Variants in AKT3 observed in about 807,000 individuals in gnomAD.
AKT3 encodes AKT serine/threonine kinase 3.
In AKT3, 15 loss-of-function variants were observed where a neutral mutation model predicts 65.3. The observed-to-expected ratio is 0.23, with a 90% CI of 0.15 to 0.35. The LOEUF (loss-of-function observed/expected upper bound fraction) is 0.35. AKT3 is among the 10% of genes least tolerant of loss of function. The pLI is 1.00. For synonymous variants in AKT3, 206 were observed against 183.8 expected, an observed-to-expected ratio of 1.12 and a Z score of -0.98; for missense variants, 243 against 576.5, an observed-to-expected ratio of 0.42 and a Z score of 5.92.
chr1:243,531,832 C>T (rs1373895604), intron 12 of AKT3, among the ~76,000 whole-genome samples: 1 of 151,930 alleles, frequency 6.6e-6, no homozygotes, highest in Non-Finnish European at 1.5e-5. Flanking sequence ...CTTGTGCTTC[C>T]TTGGTTAAAT....
At chr1:243,547,848 C>A (rs1277486593) in intron 11 of AKT3, among the ~76,000 whole-genome samples, 1 of 152,094 alleles carries the variant, frequency 6.6e-6, no homozygotes, top group Non-Finnish European at 1.5e-5. Flanking sequence ...TCTCCAACTC[C>A]CAGATCCTTA....
Position 243,573,066 on chromosome 1 carries a change from G to C in AKT3, c.697-18C>G, listed in dbSNP as rs1217308650. 1 of 1,610,310 alleles carries C rather than the reference G, an allele frequency of 6.2e-7. No homozygotes were observed. The highest frequency in any genetic ancestry group is 2.2e-5 in the East Asian group (1 of 44,796). ...AAAAACAGCTGCAGGGTAAACAGCA[G>C]GGACAGGATTGTAATAATTACTGAT... On this transcript the variant is annotated intron_variant, in intron 8 of 13. Transcript: ENST00000673466.
chr1:243,545,163 T>C (rs1672574003), intron 12 of AKT3, among the ~76,000 whole-genome samples: 1 of 152,136 alleles, frequency 6.6e-6, no homozygotes, highest in Admixed American at 6.5e-5. Flanking sequence ...CACTTTAAAA[T>C]TAAAGACATA....
In AKT3 at chr1:243,693,240, T is replaced by TTTTATATA. The variant is rs1558726301; in HGVS notation, c.172+2350_172+2351insTATATAAA. 5.3e-5 allele frequency among the ~76,000 whole-genome samples: 3 copies of TTTTATATA among 56,500 alleles called. No homozygotes were observed. The East Asian group carries it at 1.5e-3, about 29-fold the overall frequency. The allele number at this position is 56,500 out of a possible 152,430, so 37.1% of individuals were successfully genotyped here. On this transcript the variant is annotated intron_variant, in intron 3 of 13. Transcript: ENST00000673466. ...ATATATATCCCTTTGGTAGCTACAA[T>TTTTATATA]TTGATATATATATATATATATATAT...
At chr1:243,498,144 C>CCAGT (rs1444904303), downstream of AKT3, among the ~76,000 whole-genome samples, 1 of 152,232 alleles carries the variant, frequency 6.6e-6, no homozygotes, top group African/African-American at 2.4e-5. Context: ...GCCATTCAAA[C>CCAGT]CAGTCATTTA....
At chr1:243,684,767 CCCA>C (rs1199154999) in intron 3 of AKT3, among the ~76,000 whole-genome samples, 2 of 152,300 alleles carry the variant, frequency 1.3e-5, no homozygotes, top group South Asian at 2.1e-4. Context: ...AATTTACACT[CCCA>C]CCAATAGTGT....
chr1:243,786,138 T>C (rs1318288155), intron 2 of AKT3, among the ~76,000 whole-genome samples: 1 of 152,208 alleles, frequency 6.6e-6, no homozygotes, highest in Non-Finnish European at 1.5e-5. Flanking sequence ...TGAACTATGT[T>C]TTGTTAACAA....
At chr1:243,673,611 A>T (rs928585806) in intron 3 of AKT3, among the ~76,000 whole-genome samples, 23 of 124,164 alleles carry the variant, frequency 1.9e-4, no homozygotes, top group East Asian at 6.8e-4. Context: ...TAATTATGAG[A>T]TTTTTTTTTT....
intron 2 of AKT3, chr1:243,788,650 A>C (rs1047949363): frequency 6.6e-6 from 1 of 152,228 alleles, no homozygotes; most frequent in Non-Finnish European, 1.5e-5. Context: ...TTATGTTTAC[A>C]CTATACTATA....
At chr1:243,719,655 G>A (rs919757339) in intron 2 of AKT3, among the ~76,000 whole-genome samples, 13 of 152,096 alleles carry the variant, frequency 8.5e-5, no homozygotes, top group African/African-American at 2.9e-4. Flanking sequence ...CCTTTCAATG[G>A]CAGTGACTGA....
At chr1:243,605,552 T>A (rs1196297756) in intron 8 of AKT3, among the ~76,000 whole-genome samples, 1 of 152,198 alleles carries the variant, frequency 6.6e-6, no homozygotes. Flanking sequence ...AATAATCACA[T>A]CATTTAAATC....
intron 1 of AKT3, among the ~76,000 whole-genome samples, chr1:243,844,923 G>A (rs1236995796): frequency 1.3e-5 from 2 of 152,068 alleles, no homozygotes; most frequent in South Asian, 2.1e-4. Context: ...TGCACAGAAG[G>A]GGACCAAAAA....
intron 2 of AKT3, among the ~76,000 whole-genome samples, chr1:243,818,898 CCCACATGGGAG>C (rs1479812318): frequency 2.6e-5 from 4 of 152,122 alleles, no homozygotes; most frequent in Non-Finnish European, 4.4e-5. Context: ...GATGCAATGG[CCCACATGGGAG>C]CCACAATGGA....
chr1:243,567,141 C>T (rs1053242605), intron 9 of AKT3, among the ~76,000 whole-genome samples: 10 of 151,916 alleles, frequency 6.6e-5, no homozygotes, highest in African/African-American at 1.7e-4. Context: ...ATTAGCTGTG[C>T]GTGGTGGTAT....
At chr1:243,497,204 G>A (rs191560317), downstream of AKT3, among the ~76,000 whole-genome samples, 1 of 152,118 alleles carries the variant, frequency 6.6e-6, no homozygotes, top group African/African-American at 2.4e-5. Context: ...CTTCTGTCTC[G>A]GTCAGAGAAA....
At chr1:243,554,513 C>A (rs574406151) in intron 10 of AKT3, among the ~76,000 whole-genome samples, 1 of 152,032 alleles carries the variant, frequency 6.6e-6, no homozygotes, top group African/African-American at 2.4e-5. Context: ...AAAAAATAAC[C>A]TAAAAAAGCA....
intron 2 of AKT3, among the ~76,000 whole-genome samples, chr1:243,771,593 A>G (rs1217406245): frequency 6.6e-6 from 1 of 152,190 alleles, no homozygotes; most frequent in Non-Finnish European, 1.5e-5. Context: ...AAAAAACAAA[A>G]CAAAACAAAA....
intron 4 of AKT3, among the ~76,000 whole-genome samples, chr1:243,657,453 T>G (rs1422312676): frequency 6.6e-6 from 1 of 152,058 alleles, no homozygotes; most frequent in Non-Finnish European, 1.5e-5. Context: ...GGTGAAAGAT[T>G]TGTACACTGA....
chr1:243,501,005 G>C lies in AKT3; in HGVS notation c.*4244C>G, dbSNP rs1352469196. 4.4e-6 allele frequency: 1 copy of C among 229,130 alleles called. No homozygotes were observed. The highest frequency in any genetic ancestry group is 8.6e-6 in the Non-Finnish European group (1 of 115,676). 14.2% of individuals were successfully genotyped at this position (229,130 alleles called of 1,614,324 possible). ...ATAGCACCTTTAAAGAATTATAGAG[G>C]TCACTTTTTTTTAGCCTCCTGGATC... On this transcript the variant is annotated 3_prime_UTR_variant, in exon 14 of 14. Coordinates refer to ENST00000673466, the MANE Select transcript of AKT3 (RefSeq NM_005465.7).
Sources: allele counts gnomAD v4.1 joint callset (sites outside exome capture counted in the v4.1 genomes callset), GRCh38; gene constraint gnomAD v4.1.1; transcripts MANE v1.5; gene names NCBI Gene and HGNC (gene_info 2026-07-23, HGNC 2026-07-21).